UPF3B: variants seen among roughly 807,000 people sequenced by gnomAD.
The protein encoded by UPF3B is UPF3B regulator of nonsense mediated mRNA decay.
A neutral mutation model predicts 40.3 loss-of-function variants in UPF3B; 7 were observed. That is an observed-to-expected ratio of 0.17 (90% CI 0.10 to 0.33). UPF3B has a LOEUF of 0.33. Among genes scored for constraint, UPF3B ranks in the 10% least tolerant of loss-of-function variants. UPF3B has a pLI of 1.00. For synonymous variants in UPF3B, 117 were observed against 117.3 expected, an observed-to-expected ratio of 1.00 and a Z score of 0.01; for missense variants, 229 against 358.9, an observed-to-expected ratio of 0.64 and a Z score of 2.93.
chrX:119,818,197 G>A (rs1315939071), intron 4 of UPF3B, among the ~76,000 whole-genome samples: 4 of 111,096 alleles, frequency 3.6e-5, no homozygotes, highest in East Asian at 2.8e-4. Context: ...CCCAGGAGGC[G>A]GAGGTTGTGG....
intron 5 of UPF3B, among the ~76,000 whole-genome samples, chrX:119,810,792 T>TA (rs1198897581): frequency 1.8e-5 from 2 of 111,130 alleles, no homozygotes; most frequent in African/African-American, 3.3e-5. Flanking sequence ...TTCCTAATGA[T>TA]AAAAAATCTG....
rs1274010894 is a variant in UPF3B at position 119,842,574 on chromosome X, C to CAT, written c.580+615_580+616dup. Among the ~76,000 whole-genome samples the CAT allele has an allele frequency of 1.4e-4, 11 of 78,820 alleles. 1 individual carries two copies. The highest frequency in any genetic ancestry group is 6.8e-4 in the African/African-American group (11 of 16,223). 68.4% of individuals were successfully genotyped at this position (78,820 alleles called of 115,157 possible). ...CAGCCTGGGCGACAGAGCAAGACTC[C>CAT]ATCTCTCACACACACACACACACAC... On this transcript the variant is annotated intron_variant, in intron 5 of 10. Coordinates refer to ENST00000276201, the MANE Select transcript of UPF3B (RefSeq NM_080632.3).
chrX:119,839,889 T>G (rs2056142334), intron 8 of UPF3B, among the ~76,000 whole-genome samples: 2 of 111,631 alleles, frequency 1.8e-5, no homozygotes, highest in Admixed American at 1.9e-4. Flanking sequence ...TGCTGATTGT[T>G]AGGAATAGCA....
chrX:119,832,564 G>A (rs1346022689), downstream of UPF3B, among the ~76,000 whole-genome samples: 1 of 111,847 alleles, frequency 8.9e-6, no homozygotes, highest in Non-Finnish European at 1.9e-5. Context: ...CACCATGCCT[G>A]GCCTTTTGTG....
intron 2 of UPF3B, 26 bp downstream of exon 2, chrX:119,851,741 C>T: frequency 1.9e-6 from 1 of 522,412 alleles, no homozygotes; most frequent in Non-Finnish European, 2.6e-6. Flanking sequence ...TTTCATTTAC[C>T]CCTTTCCTTT....
At chrX:119,832,419 C>T (rs767893137), downstream of UPF3B, among the ~76,000 whole-genome samples, 5 of 111,298 alleles carry the variant, frequency 4.5e-5, no homozygotes, top group East Asian at 2.8e-4. Flanking sequence ...CCACCACACT[C>T]GGATAATTTT....
At chrX:119,831,191 G>C (rs780068347), downstream of UPF3B, among the ~76,000 whole-genome samples, 12 of 111,887 alleles carry the variant, frequency 1.1e-4, no homozygotes, top group Admixed American at 3.8e-4. Context: ...TACCCCACGA[G>C]CAGAGCGACC....
chrX:119,823,946 T>C (rs2428218), intron 3 of UPF3B, among the ~76,000 whole-genome samples: 5,984 of 111,439 alleles, frequency 0.054, 351 homozygotes, highest in African/African-American at 0.18. Flanking sequence ...GCATGAGCTA[T>C]GGTGCCTGGC....
In UPF3B at chrX:119,850,063, G is replaced by GT. The variant is rs983287919; in HGVS notation, c.370+1431_370+1432insA. Among the ~76,000 whole-genome samples the GT allele has an allele frequency of 2.9e-5, 3 of 102,989 alleles. No homozygotes were observed. The East Asian group carries it at 9.3e-4, about 32-fold the overall frequency. 89.4% of individuals were successfully genotyped at this position (102,989 alleles called of 115,157 possible). A position where few individuals can be genotyped will look rare whatever the true frequency, so the allele number is the denominator to read the frequency against. Reference sequence around the variant, plus strand: ...CCAGCACTTTGGGAGGCTGAGGTGGGGGGGGGGAAATCACTTGAGCCCAGG... The same window carrying GT: ...CCAGCACTTTGGGAGGCTGAGGTGGGTGGGGGGGAAATCACTTGAGCCCAGG... On this transcript the variant is annotated intron_variant, in intron 3 of 10. Coordinates refer to ENST00000276201, the MANE Select transcript of UPF3B (RefSeq NM_080632.3).
rs750394695 is a variant in UPF3B, at chrX:119,838,360, T to C, written c.1007+7A>G. 5.8e-6 allele frequency: 7 copies of C among 1,211,419 alleles called. No individual in the cohort carries two copies. The highest frequency in any genetic ancestry group is 6.7e-6 in the Non-Finnish European group (6 of 895,106). On this transcript the variant is annotated splice_region_variant and intron_variant, in intron 9 of 10. Coordinates refer to ENST00000276201, the MANE Select transcript of UPF3B (RefSeq NM_080632.3). The stretch of plus-strand genomic sequence containing the variant: ...TCAAACATAACAAAGAGTCCTTGAC[T>C]ACTGACCTCTTTGGTTTTTCATCTT...
downstream of UPF3B, among the ~76,000 whole-genome samples, chrX:119,829,455 C>T (rs1438696294): frequency 8.9e-6 from 1 of 112,149 alleles, no homozygotes; most frequent in African/African-American, 3.2e-5. Context: ...CTTCCTCAAC[C>T]CAATCTGGCT....
chrX:119,807,401 A>G (rs2055801528), intron 6 of UPF3B: 62 of 872,638 alleles, frequency 7.1e-5, no homozygotes, highest in Non-Finnish European at 9.0e-5. Context: ...GGCTGCCTAG[A>G]CAGTCAGTAC....
chrX:119,843,163 G>C lies in UPF3B; in HGVS notation c.580+28C>G, dbSNP rs761039815. 11 of 997,806 alleles carry C rather than the reference G, an allele frequency of 1.1e-5. No homozygotes were observed. The Admixed American group carries it at 2.4e-4, about 22-fold the overall frequency. 82.2% of individuals were successfully genotyped at this position (997,806 alleles called of 1,213,427 possible). A position where few individuals can be genotyped will look rare whatever the true frequency, so the allele number is the denominator to read the frequency against. On this transcript the variant is annotated intron_variant, in intron 5 of 10. Transcript: ENST00000276201. ...ACTTAGGTACTGTGATGAAAAGACT[G>C]TTGCCCTGATTCTTTTTGCCCACTT... is the stretch of plus-strand genomic sequence containing the variant.
intron 5 of UPF3B, among the ~76,000 whole-genome samples, chrX:119,842,341 T>G (rs1435729820): frequency 9.0e-6 from 1 of 111,208 alleles, no homozygotes; most frequent in African/African-American, 3.3e-5. Flanking sequence ...CCCAGCACTT[T>G]CAGAGGCCAA....
intron 4 of UPF3B, among the ~76,000 whole-genome samples, chrX:119,818,353 C>T (rs190604591): frequency 9.0e-6 from 1 of 110,768 alleles, no homozygotes; most frequent in Admixed American, 9.6e-5. Flanking sequence ...TTCCAGCACT[C>T]TGGGAGGCCA....
rs139401389 is a variant in UPF3B at position 119,815,115 on chromosome X, C to T, written c.602+85G>A. ...TCCTGACCTCAGGTAATCCACCCGC[C>T]TCGGCCTCCCAAGGTGCTGGGATTA... On this transcript the variant is annotated intron_variant, in intron 5 of 6. Coordinates refer to the UPF3B transcript ENST00000636792. The T allele has an allele frequency of 0.011, 5,158 of 452,118 alleles. 263 individuals are homozygous for T. The African/African-American group carries it at 0.13, about 11-fold the overall frequency. 37.3% of individuals were successfully genotyped at this position (452,118 alleles called of 1,213,427 possible).
chrX:119,842,907 A>C (rs1313984388), intron 5 of UPF3B, among the ~76,000 whole-genome samples: 1 of 112,219 alleles, frequency 8.9e-6, no homozygotes, highest in African/African-American at 3.2e-5. Context: ...AGAAAATACC[A>C]ATTGACCTTC....
chrX:119,815,420 C>A, intron 4 of UPF3B: 1 of 242,595 alleles, frequency 4.1e-6, no homozygotes, highest in South Asian at 2.0e-4. Flanking sequence ...CATTTAAGAC[C>A]AAAAATGTGA....
In UPF3B at chrX:119,809,053, G is replaced by A. The variant is rs2055811973; in HGVS notation, c.603-1472C>T. Among the ~76,000 whole-genome samples, 3 of 112,443 alleles carry A rather than the reference G, an allele frequency of 2.7e-5. No individual in the cohort carries two copies. The Admixed American group carries it at 2.8e-4, about 11-fold the overall frequency. On this transcript the variant is annotated intron_variant, in intron 5 of 6. Transcript: ENST00000636792. ...CCCGAGACTGGGTAGTATATAAAGA[G>A]AAGAGATTTAATTGACTCACAGTTT...
Sources: allele counts gnomAD v4.1 joint callset (sites outside exome capture counted in the v4.1 genomes callset), GRCh38; gene constraint gnomAD v4.1.1; transcripts MANE v1.5; gene names NCBI Gene and HGNC (gene_info 2026-07-23, HGNC 2026-07-21).